The following EFR3A variants were observed in gnomAD, a reference collection of about 807,000 sequenced individuals.
The protein encoded by EFR3A is protein EFR3 homolog A.
In EFR3A, 76 loss-of-function variants were observed where a neutral mutation model predicts 104.4. The observed-to-expected ratio is 0.73, with a 90% confidence interval of 0.60 to 0.88. The LOEUF is 0.88. Among genes scored for constraint, EFR3A ranks in the 40% least tolerant of loss-of-function variants. The probability of loss-of-function intolerance (pLI) is 0.00; values close to 1 mark genes in which losing one functional copy is unlikely to be tolerated. For synonymous variants in EFR3A, 330 were observed against 330.0 expected (o/e 1.00, Z 0.00); for missense variants, 985 against 1,012.5 (o/e 0.97, Z 0.37).
chr8:131,996,636 A>C (rs1321027399), intron 19 of EFR3A, 139 bp downstream of exon 19: 2 of 533,054 alleles, frequency 3.8e-6, no homozygotes, highest in African/African-American at 2.0e-5. Context: ...AGTAGAAATT[A>C]ATCTGATTTA....
In EFR3A at chr8:131,944,743, A is replaced by G; in HGVS notation, c.88-2A>G. The G allele has an allele frequency of 6.3e-7, 1 of 1,579,730 alleles. No individual in the cohort carries two copies. The highest frequency in any genetic ancestry group is 8.6e-7 in the Non-Finnish European group (1 of 1,164,756). ...ATCTATTTATCTTGTTATTGTTTTT[A>G]GGATGGCCTTGTGAAAACTGATATG... On this transcript the variant is annotated splice_acceptor_variant, in intron 2 of 22. Transcript: ENST00000254624. LOFTEE classifies it high-confidence loss of function.
intron 4 of EFR3A, 108 bp from the exon 5 acceptor site, chr8:131,949,861 G>T (rs1286692219): frequency 9.7e-7 from 1 of 1,029,166 alleles, no homozygotes; most frequent in South Asian, 1.6e-5. Context: ...TGTTTTGTTT[G>T]TTACTTATTT....
intron 7 of EFR3A, among the ~76,000 whole-genome samples, chr8:131,956,393 G>T (rs1818993527): frequency 6.6e-6 from 1 of 152,096 alleles, no homozygotes; most frequent in Non-Finnish European, 1.5e-5. Flanking sequence ...TATCTTGTTG[G>T]TACTTTCATG....
chr8:131,968,444 A>C lies in EFR3A; in HGVS notation c.991+14A>C, dbSNP rs1449247507. 2 of 1,611,688 alleles carry C rather than the reference A, an allele frequency of 1.2e-6. No homozygotes were observed. The highest frequency in any genetic ancestry group is 1.7e-6 in the Non-Finnish European group (2 of 1,178,264). The stretch of plus-strand genomic sequence containing the variant: ...AAGGTTCCATAGGTGAGTGCCAATA[A>C]ATAAAATAAAATAGTGCGTTGATCT... On this transcript the variant is annotated intron_variant, in intron 9 of 22. Coordinates refer to ENST00000254624, the MANE Select transcript of EFR3A (RefSeq NM_015137.6).
chr8:132,007,187 T>C (rs1427172963), intron 22 of EFR3A, among the ~76,000 whole-genome samples: 1 of 151,402 alleles, frequency 6.6e-6, no homozygotes, highest in Non-Finnish European at 1.5e-5. Context: ...AAGGAAGAAA[T>C]AAAACTATCT....
intron 7 of EFR3A, among the ~76,000 whole-genome samples, chr8:131,958,932 T>C (rs1563664419): frequency 1.3e-5 from 2 of 152,158 alleles, no homozygotes; most frequent in Non-Finnish European, 2.9e-5. Context: ...TTATCCCCAT[T>C]TTCCAGGTCA....
At chr8:131,964,903 A>T (rs1210796344) in intron 8 of EFR3A, among the ~76,000 whole-genome samples, 1 of 150,574 alleles carries the variant, frequency 6.6e-6, no homozygotes, top group Non-Finnish European at 1.5e-5. Flanking sequence ...GCCCTCAGAA[A>T]TAATGCCACA....
Position 131,979,361 on chromosome 8 carries a change from A to G in EFR3A, c.1515A>G (p.Val505=). ...TCGTCTCTAGAATAATACCGGATGTAGCTGACCTAAAGATAAAAAGAGAAA... is the reference window on the plus strand; with the variant it reads ...TCGTCTCTAGAATAATACCGGATGTGGCTGACCTAAAGATAAAAAGAGAAA... ...KLRGIRIIPD[V]ADLKIKREKI... Residue 505 remains valine, a synonymous_variant, in exon 14 of 23, where the codon GTA becomes GTG. Transcript: ENST00000254624. 1 of 1,565,786 alleles carries G rather than the reference A, an allele frequency of 6.4e-7. No homozygotes were observed. The highest frequency in any genetic ancestry group is 8.7e-7 in the Non-Finnish European group (1 of 1,153,498).
Position 132,010,405 on chromosome 8 carries a change from GAGATATAT to G in EFR3A, c.2361-383_2361-376del, listed in dbSNP as rs1397143575. On this transcript the variant is annotated intron_variant, in intron 22 of 22. Coordinates refer to ENST00000254624, the MANE Select transcript of EFR3A (RefSeq NM_015137.6). ...TTGTTCTCTGGATTAAATCAAGTAT[GAGATATAT>G]ATATATATATATATATATATATATA... Among the ~76,000 whole-genome samples the G allele has an allele frequency of 8.7e-3, 769 of 87,972 alleles. 13 individuals are homozygous for G. Among genetic ancestry groups the G allele is most frequent in the South Asian group, 0.028 (84 of 3,050 alleles). 57.7% of individuals were successfully genotyped at this position (87,972 alleles called of 152,430 possible).
chr8:131,968,191 T>C, intron 8 of EFR3A, 104 bp from the exon 9 acceptor site: 1 of 1,035,582 alleles, frequency 9.7e-7, no homozygotes. Context: ...TGACCACCAG[T>C]CACTAATTGG....
At chr8:131,962,875 GA>G (rs1186261390) in intron 8 of EFR3A, among the ~76,000 whole-genome samples, 14 of 152,180 alleles carry the variant, frequency 9.2e-5, no homozygotes. Flanking sequence ...CTGTCTCTCA[GA>G]CCACAATGCA....
At position 132,008,846 on chromosome 8, in the gene EFR3A, C is replaced by CAA. The variant is rs55964352; in HGVS notation, c.2361-1917_2361-1916dup. On this transcript the variant is annotated intron_variant, in intron 22 of 22. Transcript: ENST00000254624. The stretch of plus-strand genomic sequence containing the variant: ...GGGTGACAAGAGTAAAACTCCATCT[C>CAA]AAAAAAAAAAAAAAAAAAAAAAAAA... Among the ~76,000 whole-genome samples the CAA allele has an allele frequency of 3.1e-3, 100 of 32,154 alleles. 9 individuals carry two copies. Among genetic ancestry groups the CAA allele is most frequent in the African/African-American group, 7.0e-3 (60 of 8,528 alleles). 21.1% of individuals were successfully genotyped at this position (32,154 alleles called of 152,430 possible).
chr8:131,943,669 G>A (rs10095941), intron 2 of EFR3A, among the ~76,000 whole-genome samples: 125,572 of 151,824 alleles, frequency 0.83, 52,007 homozygotes, highest in East Asian at 0.93. Context: ...AGATATTTAG[G>A]AACATCCCTG....
intron 19 of EFR3A, among the ~76,000 whole-genome samples, chr8:131,998,770 T>A (rs1356785201): frequency 6.6e-6 from 1 of 152,044 alleles, no homozygotes; most frequent in African/African-American, 2.4e-5. Flanking sequence ...AGAGGGAGAT[T>A]TGAGAGACTC....
chr8:131,950,198 C>G, intron 5 of EFR3A, 108 bp downstream of exon 5: 1 of 1,176,442 alleles, frequency 8.5e-7, no homozygotes, highest in Non-Finnish European at 1.2e-6. Flanking sequence ...GCCTGAAATA[C>G]GGCTTTCCAT....
intron 18 of EFR3A, among the ~76,000 whole-genome samples, chr8:131,988,487 G>A (rs16904565): frequency 0.017 from 2,584 of 151,886 alleles, 139 homozygotes; most frequent in East Asian, 0.11. Context: ...TATACATTTA[G>A]TACAGTAATA....
chr8:131,989,070 G>C (rs187659078), intron 18 of EFR3A, among the ~76,000 whole-genome samples: 129 of 152,148 alleles, frequency 8.5e-4, no homozygotes, highest in African/African-American at 3.0e-3. Context: ...ATGACTAGAA[G>C]AATTCTGAAT....
intron 7 of EFR3A, among the ~76,000 whole-genome samples, chr8:131,958,141 A>C (rs1413609803): frequency 6.6e-6 from 1 of 152,192 alleles, no homozygotes; most frequent in African/African-American, 2.4e-5. Flanking sequence ...AGCATGCTTG[A>C]AGCGGTAAAT....
intron 1 of EFR3A, among the ~76,000 whole-genome samples, chr8:131,936,668 T>C (rs1347350213): frequency 6.6e-6 from 1 of 152,106 alleles, no homozygotes; most frequent in East Asian, 1.9e-4. Flanking sequence ...CTAGAGTGGC[T>C]CACAGAACTT....
Sources: gnomAD v4.1 joint callset for allele counts (sites outside exome capture counted in the v4.1 genomes callset) on GRCh38, gnomAD v4.1.1 for gene constraint, MANE v1.5 for transcripts, NCBI Gene and HGNC (gene_info 2026-07-23, HGNC 2026-07-21) for gene names.